The following ARHGAP24 variants were observed in gnomAD, a reference collection of about 807,000 sequenced individuals.
ARHGAP24 encodes Rho GTPase activating protein 24, also known as rho GTPase-activating protein 24.
Under a neutral mutation model 76.4 loss-of-function variants are expected in ARHGAP24, and 50 were observed. That is an observed-to-expected ratio of 0.65 (90% CI 0.52 to 0.83). The LOEUF is 0.83. Among genes scored for constraint, ARHGAP24 ranks in the 40% least tolerant of loss-of-function variants. The probability of loss-of-function intolerance (pLI) is 0.00; values close to 1 mark genes in which losing one functional copy is unlikely to be tolerated. For missense variants in ARHGAP24, 930 were observed against 914.2 expected, an observed-to-expected ratio of 1.02 and a Z score of -0.22; for synonymous variants, 345 against 323.3, an observed-to-expected ratio of 1.07 and a Z score of -0.72.
chr4:85,642,591 C>T (rs1215249120), intron 2 of ARHGAP24, among the ~76,000 whole-genome samples: 1 of 145,204 alleles, frequency 6.9e-6, no homozygotes, highest in Non-Finnish European at 1.5e-5. Flanking sequence ...CAATAGCTCA[C>T]ATTCATTTGA....
At chr4:85,934,556 C>T (rs1016184385) in intron 4 of ARHGAP24, among the ~76,000 whole-genome samples, 10 of 152,112 alleles carry the variant, frequency 6.6e-5, no homozygotes, top group Middle Eastern at 3.2e-3. Context: ...ATTCTGTCAT[C>T]GAGGCTGGAG....
chr4:85,535,678 C>T lies in ARHGAP24; in HGVS notation c.-20-34844C>T, dbSNP rs148449968. On this transcript the variant is annotated intron_variant, in intron 1 of 9. Coordinates refer to ENST00000395184, the MANE Select transcript of ARHGAP24 (RefSeq NM_001025616.3). ...CTTCTTTCCCTCTTCTGCACTCTAA[C>T]AAAGAGACTACGGTGGAGTTTATAG... Among the ~76,000 whole-genome samples the T allele has an allele frequency of 9.7e-3, 1,476 of 152,260 alleles. 13 individuals carry two copies. The highest frequency in any genetic ancestry group is 0.019 in the East Asian group (97 of 5,180).
intron 2 of ARHGAP24, among the ~76,000 whole-genome samples, chr4:85,648,567 C>T (rs964462796): frequency 2.0e-5 from 3 of 152,076 alleles, no homozygotes; most frequent in East Asian, 1.9e-4. Context: ...ACAGAACAGA[C>T]GACTCTAAAG....
intron 1 of ARHGAP24, among the ~76,000 whole-genome samples, chr4:85,493,286 C>T (rs192119558): frequency 2.6e-4 from 39 of 152,326 alleles, no homozygotes; most frequent in Admixed American, 1.9e-3. Context: ...TTTTTTCTAT[C>T]ATACTTTCAG....
At chr4:85,693,574 C>A (rs1304735257) in intron 2 of ARHGAP24, among the ~76,000 whole-genome samples, 1 of 152,156 alleles carries the variant, frequency 6.6e-6, no homozygotes, top group Admixed American at 6.5e-5. Context: ...GGGTTGGGCA[C>A]CAGGTGTGCT....
intron 2 of ARHGAP24, among the ~76,000 whole-genome samples, chr4:85,648,567 C>G (rs964462796): frequency 2.0e-5 from 3 of 151,958 alleles, no homozygotes; most frequent in Non-Finnish European, 4.4e-5. Context: ...ACAGAACAGA[C>G]GACTCTAAAG....
At chr4:85,806,205 A>T (rs1016828774) in intron 3 of ARHGAP24, among the ~76,000 whole-genome samples, 2 of 152,160 alleles carry the variant, frequency 1.3e-5, no homozygotes, top group African/African-American at 4.8e-5. Flanking sequence ...GATAAATTAA[A>T]TCAGTTGCAA....
intron 4 of ARHGAP24, among the ~76,000 whole-genome samples, chr4:85,937,369 T>C (rs1162071464): frequency 6.6e-6 from 1 of 152,180 alleles, no homozygotes. Context: ...GATGACTTAT[T>C]CAGCTTTAGA....
intron 3 of ARHGAP24, among the ~76,000 whole-genome samples, chr4:85,792,369 A>AAAGCC (rs1728169881): frequency 6.6e-6 from 1 of 152,182 alleles, no homozygotes. Context: ...TACCAATATA[A>AAAGCC]AAGCCAAGCC....
chr4:85,780,120 A>G (rs555732654), intron 3 of ARHGAP24, among the ~76,000 whole-genome samples: 3 of 152,170 alleles, frequency 2.0e-5, no homozygotes, highest in African/African-American at 7.2e-5. Flanking sequence ...CATGGTATAT[A>G]AGGCTATTAA....
chr4:85,622,374 G>C (rs1720751981), intron 2 of ARHGAP24, among the ~76,000 whole-genome samples: 1 of 150,984 alleles, frequency 6.6e-6, no homozygotes, highest in Admixed American at 6.6e-5. Flanking sequence ...GCGATAGTTT[G>C]CTGAGAATGA....
intron 3 of ARHGAP24, among the ~76,000 whole-genome samples, chr4:85,916,334 T>C (rs745774224): frequency 4.6e-5 from 7 of 152,250 alleles, no homozygotes; most frequent in South Asian, 2.1e-4. Flanking sequence ...ATGGATAGAT[T>C]GCAAAAATTT....
chr4:85,637,573 T>C (rs1037280619), intron 2 of ARHGAP24, among the ~76,000 whole-genome samples: 1 of 152,060 alleles, frequency 6.6e-6, no homozygotes, highest in African/African-American at 2.4e-5. Flanking sequence ...TGTGTCTACA[T>C]AGTCCAAATT....
intron 3 of ARHGAP24, among the ~76,000 whole-genome samples, chr4:85,790,011 C>T (rs767730039): frequency 6.6e-6 from 1 of 152,094 alleles, no homozygotes. Context: ...GTGTACATTA[C>T]AATTTTTTTT....
chr4:85,514,220 C>T (rs1490430750), intron 1 of ARHGAP24, among the ~76,000 whole-genome samples: 3 of 152,176 alleles, frequency 2.0e-5, no homozygotes, highest in African/African-American at 7.2e-5. Flanking sequence ...CATACTGTCT[C>T]AGAGGATCCC....
intron 5 of ARHGAP24, among the ~76,000 whole-genome samples, chr4:85,947,568 G>A (rs1314822723): frequency 6.6e-6 from 1 of 152,176 alleles, no homozygotes; most frequent in Non-Finnish European, 1.5e-5. Context: ...TACATACCAA[G>A]TGTTATTTCT....
intron 8 of ARHGAP24, among the ~76,000 whole-genome samples, chr4:85,986,427 A>ATGCCTAT (rs1740000431): frequency 6.6e-6 from 1 of 152,200 alleles, no homozygotes; most frequent in African/African-American, 2.4e-5. Flanking sequence ...GACATTGGAC[A>ATGCCTAT]ACAGGCAATA....
chr4:85,559,204 A>G (rs1343839081), intron 1 of ARHGAP24, among the ~76,000 whole-genome samples: 1 of 152,184 alleles, frequency 6.6e-6, no homozygotes, highest in Non-Finnish European at 1.5e-5. Flanking sequence ...TTGCTCTCCC[A>G]TCCCTTGGGT....
intron 3 of ARHGAP24, among the ~76,000 whole-genome samples, chr4:85,786,248 G>T (rs900444309): frequency 6.6e-5 from 10 of 151,590 alleles, no homozygotes; most frequent in Non-Finnish European, 1.5e-4. Context: ...CAGCCATACT[G>T]GCAACTTCTT....
Sources: allele counts gnomAD v4.1 joint callset (sites outside exome capture counted in the v4.1 genomes callset), GRCh38; gene constraint gnomAD v4.1.1; transcripts MANE v1.5; gene names NCBI Gene and HGNC (gene_info 2026-07-23, HGNC 2026-07-21).